Variants in RAP1GAP2 observed in about 807,000 individuals in gnomAD.
The protein encoded by RAP1GAP2 is rap1 GTPase-activating protein 2.
RAP1GAP2 carries 27 observed loss-of-function variants against 95.0 expected under a neutral mutation model. That is an observed-to-expected ratio of 0.28 (90% CI 0.21 to 0.39). The LOEUF (loss-of-function observed/expected upper bound fraction) is 0.39, where lower values mean the gene tolerates loss of function less well. Among genes scored for constraint, RAP1GAP2 ranks in the 10% least tolerant of loss-of-function variants. The pLI is 1.00. For missense variants in RAP1GAP2, 771 were observed against 970.0 expected, an observed-to-expected ratio of 0.79 and a Z score of 2.72; for synonymous variants, 373 against 380.9, an observed-to-expected ratio of 0.98 and a Z score of 0.24.
chr17:2,904,559 T>TGTGTGTGTGTGTGTGTGC lies in RAP1GAP2; in HGVS notation c.81-715_81-714insGTGTGTGCGTGTGTGTGT, dbSNP rs2042132907. ...GTGTGTGTGTGTGTGTGTGTGTGTG[T>TGTGTGTGTGTGTGTGTGC]GTGTGTGTGTACGTGCAGAGGGGCT... On this transcript the variant is annotated intron_variant, in intron 2 of 24. Transcript: ENST00000254695. This position sits in a 1 kb window ranked among gnomAD's most constrained non-coding sequence, Gnocchi z 4.7. Among the ~76,000 whole-genome samples the TGTGTGTGTGTGTGTGTGC allele has an allele frequency of 6.6e-6, 1 of 151,734 alleles. No individual in the cohort carries two copies. Among genetic ancestry groups the TGTGTGTGTGTGTGTGTGC allele is most frequent in the South Asian group, 2.1e-4 (1 of 4,810 alleles).
At chr17:2,844,748 G>A (rs11656227) in intron 2 of RAP1GAP2, among the ~76,000 whole-genome samples, 22,753 of 152,142 alleles carry the variant, frequency 0.15, 1,909 homozygotes, top group East Asian at 0.18. Flanking sequence ...GGAAACTGTC[G>A]TTGGCTAAGC....
At chr17:3,022,982 A>G (rs982403188) in intron 19 of RAP1GAP2, among the ~76,000 whole-genome samples, 6 of 152,224 alleles carry the variant, frequency 3.9e-5, no homozygotes, top group African/African-American at 1.4e-4. Flanking sequence ...TTACTGAAGA[A>G]TGTATATTCT....
chr17:2,788,510 C>T lies in RAP1GAP2; in HGVS notation c.-14+11232C>T, dbSNP rs187233265. On this transcript the variant is annotated intron_variant, in intron 1 of 24. Transcript: ENST00000540393. Reference sequence around the variant, plus strand: ...CGTGGGTTTCACCATGTTGATCACACTGGTCTCGAACTCCTGACCTCAAGT... The same window carrying T: ...CGTGGGTTTCACCATGTTGATCACATTGGTCTCGAACTCCTGACCTCAAGT... Among the ~76,000 whole-genome samples the T allele has an allele frequency of 2.0e-3, 307 of 152,198 alleles. 2 individuals carry two copies. Among genetic ancestry groups the T allele is most frequent in the Non-Finnish European group, 3.2e-3 (215 of 68,010 alleles).
intron 1 of RAP1GAP2, among the ~76,000 whole-genome samples, chr17:2,783,549 T>C (rs1163576861): frequency 6.6e-6 from 1 of 152,252 alleles, no homozygotes; most frequent in African/African-American, 2.4e-5. Flanking sequence ...ACAGGGACTG[T>C]TGCAGAGTGG....
At chr17:2,759,563 G>A (rs999886771) in intron 1 of RAP1GAP2, among the ~76,000 whole-genome samples, 1 of 152,274 alleles carries the variant, frequency 6.6e-6, no homozygotes, top group African/African-American at 2.4e-5. Context: ...CAATTCTCCT[G>A]CCTCAGCCCC....
intron 11 of RAP1GAP2, among the ~76,000 whole-genome samples, chr17:2,989,103 C>T (rs1004133423): frequency 6.8e-6 from 1 of 146,458 alleles, no homozygotes; most frequent in Non-Finnish European, 1.5e-5. Context: ...AAAAAAAAAA[C>T]TGCCAAACAG....
chr17:3,025,969 C>T (rs2047099683), intron 19 of RAP1GAP2, 39 bp from the exon 20 acceptor site: 3 of 1,466,742 alleles, frequency 2.0e-6, no homozygotes, highest in African/African-American at 1.4e-5. Flanking sequence ...GGGTTGAGGG[C>T]TGTCTCCGCG....
At chr17:2,765,156 GT>G (rs1425203582) in intron 1 of RAP1GAP2, among the ~76,000 whole-genome samples, 1 of 152,174 alleles carries the variant, frequency 6.6e-6, no homozygotes, top group African/African-American at 2.4e-5. Context: ...CCAAATGGAA[GT>G]CATAATCTTT....
chr17:2,922,631 A>C (rs1015494645), intron 3 of RAP1GAP2, among the ~76,000 whole-genome samples: 3 of 152,080 alleles, frequency 2.0e-5, no homozygotes, highest in Non-Finnish European at 4.4e-5. Flanking sequence ...AGCTCGCACA[A>C]ATGGGGTAGA....
At chr17:2,799,680 GGTGCTGGTGGCA>G (rs1367751325) in intron 1 of RAP1GAP2, among the ~76,000 whole-genome samples, 1 of 152,196 alleles carries the variant, frequency 6.6e-6, no homozygotes, top group African/African-American at 2.4e-5. Flanking sequence ...AGGCAGCATT[GGTGCTGGTGGCA>G]GTGCTGGTGA....
chr17:2,939,840 C>A (rs1256482525), intron 3 of RAP1GAP2, among the ~76,000 whole-genome samples: 2 of 152,254 alleles, frequency 1.3e-5, no homozygotes, highest in East Asian at 3.8e-4. Context: ...GCCCTGGGTT[C>A]CCCAGAAAAA....
intron 2 of RAP1GAP2, among the ~76,000 whole-genome samples, chr17:2,849,998 GCT>G (rs2071760679): frequency 2.2e-5 from 3 of 136,130 alleles, no homozygotes; most frequent in Non-Finnish European, 3.1e-5. Context: ...AACACTGCCT[GCT>G]TTTTTTTTTT....
chr17:3,018,081 C>T lies in RAP1GAP2; in HGVS notation c.1515C>T (p.Ser505=). Residue 505 remains serine (S), a synonymous_variant, in exon 18 of 25, where the codon AGC becomes AGT. Transcript: ENST00000254695. ...CGTAGAGGGCCATCCGCGTACGCAG[C>T]CACTCCATGGAGACCATGGTGGGCG... ...ESFKRAIRVR[S]HSMETMVGGQ... 1.3e-6 allele frequency: 2 copies of T among 1,591,806 alleles called. No individual in the cohort carries two copies. Among genetic ancestry groups the T allele is most frequent in the Non-Finnish European group, 1.7e-6 (2 of 1,169,670 alleles).
chr17:2,945,034 C>T (rs185375745), intron 3 of RAP1GAP2, among the ~76,000 whole-genome samples: 31 of 152,082 alleles, frequency 2.0e-4, no homozygotes, highest in African/African-American at 5.1e-4. Context: ...CCACCACGCC[C>T]GGCTGATTTT....
intron 2 of RAP1GAP2, among the ~76,000 whole-genome samples, chr17:2,878,673 C>T (rs887074382): frequency 6.6e-6 from 1 of 152,204 alleles, no homozygotes; most frequent in Non-Finnish European, 1.5e-5. Flanking sequence ...CTGAAGGAGG[C>T]GGCAGCCTGT....
At chr17:2,868,742 C>T (rs975417944) in intron 2 of RAP1GAP2, among the ~76,000 whole-genome samples, 3 of 152,152 alleles carry the variant, frequency 2.0e-5, no homozygotes, top group Admixed American at 6.5e-5. Context: ...TGGTCTCGAA[C>T]TCCTGACCTC....
At position 3,036,341 on chromosome 17, in the gene RAP1GAP2, C is replaced by T. The variant is rs2047465450; in HGVS notation, c.*2980C>T. 6.6e-6 allele frequency: 1 copy of T among 152,222 alleles called. No homozygotes were observed. Among genetic ancestry groups the T allele is most frequent in the African/African-American group, 2.4e-5 (1 of 41,456 alleles). The allele number at this position is 152,222 out of a possible 1,614,324, so 9.4% of individuals were successfully genotyped here. ...TGTTGGCAAAGCTGGGATTAGAACCCTCAACCCAGGGTCCCTTCCTCTGCA... is the reference window on the plus strand; with the variant it reads ...TGTTGGCAAAGCTGGGATTAGAACCTTCAACCCAGGGTCCCTTCCTCTGCA... On this transcript the variant is annotated 3_prime_UTR_variant, in exon 25 of 25. Coordinates refer to ENST00000254695, the MANE Select transcript of RAP1GAP2 (RefSeq NM_015085.5).
At chr17:2,837,260 A>C (rs1253302873) in intron 2 of RAP1GAP2, among the ~76,000 whole-genome samples, 2 of 151,648 alleles carry the variant, frequency 1.3e-5, no homozygotes, top group African/African-American at 2.4e-5. Context: ...CTGGAAAAAA[A>C]AAAAAAAAAA....
Position 2,949,629 on chromosome 17 carries a change from G to A in RAP1GAP2, c.166-8130G>A, listed in dbSNP as rs201148991. Among the ~76,000 whole-genome samples the A allele has an allele frequency of 2.6e-5, 4 of 152,004 alleles. No homozygotes were observed. The East Asian group carries it at 7.7e-4, about 29-fold the overall frequency. On this transcript the variant is annotated intron_variant, in intron 3 of 24. Transcript: ENST00000254695. ...GCTGTATGCCCTGAGCATTAACTCA[G>A]TGCCTGCTGTGTGCCCTGAGCATTA...
Sources: gnomAD v4.1 joint callset for allele counts (sites outside exome capture counted in the v4.1 genomes callset) on GRCh38, gnomAD v4.1.1 for gene constraint, Gnocchi (gnomAD v3.1) non-coding constraint, MANE v1.5 for transcripts, NCBI Gene and HGNC (gene_info 2026-07-23, HGNC 2026-07-21) for gene names.